The following SNTG1 variants were observed in gnomAD, a reference collection of about 807,000 sequenced individuals.
SNTG1 encodes syntrophin gamma 1, also known as gamma-1-syntrophin.
A neutral mutation model predicts 74.7 loss-of-function variants in SNTG1; 39 were observed. The ratio of observed to expected loss-of-function variants is 0.52; its 90% CI spans 0.40 to 0.68. SNTG1 has a LOEUF of 0.68. Among genes scored for constraint, SNTG1 ranks in the 30% least tolerant of loss-of-function variants. The pLI is 0.00. For synonymous variants in SNTG1, 254 were observed against 217.1 expected (o/e 1.17, Z -1.49); for missense variants, 685 against 609.5 (o/e 1.12, Z -1.30).
intron 1 of SNTG1, among the ~76,000 whole-genome samples, chr8:49,937,464 T>G (rs1477869944): frequency 6.6e-6 from 1 of 152,218 alleles, no homozygotes; most frequent in African/African-American, 2.4e-5. Context: ...CATAAAGCTG[T>G]TACAAAATTA....
chr8:49,952,777 T>A (rs903311393), intron 1 of SNTG1, among the ~76,000 whole-genome samples: 2 of 152,174 alleles, frequency 1.3e-5, no homozygotes, highest in Non-Finnish European at 2.9e-5. Flanking sequence ...CAGAGTTAAA[T>A]ATATAGGACT....
chr8:50,326,673 A>AT (rs147413287), intron 2 of SNTG1, among the ~76,000 whole-genome samples: 2,177 of 143,540 alleles, frequency 0.015, 58 homozygotes, highest in African/African-American at 0.051. Context: ...TTCTCTATTG[A>AT]TTTTTTTTTT....
chr8:50,002,577 G>A lies in SNTG1; in HGVS notation c.-103+90346G>A, dbSNP rs1047931834. ...AAGAAATATAAAACTATATTGGGTGGATTACTTGATTTTTCTGTTTGTTTC... is the reference window on the plus strand; with the variant it reads ...AAGAAATATAAAACTATATTGGGTGAATTACTTGATTTTTCTGTTTGTTTC... On this transcript the variant is annotated intron_variant, in intron 1 of 18. Transcript: ENST00000642720. Among the ~76,000 whole-genome samples the A allele has an allele frequency of 5.9e-5, 9 of 151,576 alleles. No homozygotes were observed. In the East Asian group the frequency reaches 1.5e-3, roughly 26 times the overall value.
intron 8 of SNTG1, among the ~76,000 whole-genome samples, chr8:50,484,686 C>G (rs971115762): frequency 6.6e-6 from 1 of 151,084 alleles, no homozygotes; most frequent in Non-Finnish European, 1.5e-5. Flanking sequence ...AGGAAGAAAC[C>G]CTAGCTCTAC....
At chr8:50,653,024 C>A (rs1344995727) in intron 13 of SNTG1, among the ~76,000 whole-genome samples, 1 of 151,564 alleles carries the variant, frequency 6.6e-6, no homozygotes, top group Non-Finnish European at 1.5e-5. Context: ...TTTTTTTATT[C>A]TTTTCTTTAC....
chr8:50,629,861 G>A (rs546124459), intron 13 of SNTG1, among the ~76,000 whole-genome samples: 5 of 152,214 alleles, frequency 3.3e-5, no homozygotes, highest in Admixed American at 2.0e-4. Flanking sequence ...CTATAGGGAC[G>A]ACCAATTGTC....
chr8:50,701,726 T>TCTC (rs2095425665), intron 15 of SNTG1, among the ~76,000 whole-genome samples: 1 of 112,836 alleles, frequency 8.9e-6, no homozygotes, highest in Non-Finnish European at 1.8e-5. Flanking sequence ...CTCTTTTTCT[T>TCTC]CTTCTTTTTC....
intron 1 of SNTG1, among the ~76,000 whole-genome samples, chr8:49,966,258 T>C (rs546314636): frequency 1.5e-3 from 230 of 152,312 alleles, no homozygotes; most frequent in Non-Finnish European, 2.3e-3. Context: ...TATTTATAGT[T>C]ATTAGTCCAT....
intron 1 of SNTG1, among the ~76,000 whole-genome samples, chr8:50,145,100 G>A (rs1445758503): frequency 6.6e-6 from 1 of 152,114 alleles, no homozygotes; most frequent in African/African-American, 2.4e-5. Flanking sequence ...AGGAATGATG[G>A]CAATGCCAAC....
intron 1 of SNTG1, among the ~76,000 whole-genome samples, chr8:50,068,167 T>C (rs1392524776): frequency 6.6e-6 from 1 of 152,142 alleles, no homozygotes; most frequent in Non-Finnish European, 1.5e-5. Context: ...CATGAGAATA[T>C]TTCCATCTTC....
chr8:50,150,614 A>G lies in SNTG1; in HGVS notation c.-102-21947A>G, dbSNP rs185630971. ...AGTTTTTAGCATGAAGGGTTGTTGA[A>G]TTTTGTCAAAGGCCTTTTCTGCATC... On this transcript the variant is annotated intron_variant, in intron 1 of 18. Transcript: ENST00000642720. Among the ~76,000 whole-genome samples the G allele has an allele frequency of 2.7e-3, 407 of 152,204 alleles. 2 individuals are homozygous for G. The highest frequency in any genetic ancestry group is 5.6e-3 in the Admixed American group (86 of 15,280).
chr8:50,287,953 A>G (rs1307111389), intron 2 of SNTG1, among the ~76,000 whole-genome samples: 1 of 152,140 alleles, frequency 6.6e-6, no homozygotes, highest in East Asian at 1.9e-4. Flanking sequence ...TGCAAACGTC[A>G]TCTCTATGAA....
chr8:49,942,548 A>G (rs924955509), intron 1 of SNTG1, among the ~76,000 whole-genome samples: 1 of 152,044 alleles, frequency 6.6e-6, no homozygotes, highest in Non-Finnish European at 1.5e-5. Context: ...CTGCTTCAAG[A>G]TCCCACCCAG....
chr8:50,246,579 C>T (rs2086410866), intron 2 of SNTG1, among the ~76,000 whole-genome samples: 1 of 151,602 alleles, frequency 6.6e-6, no homozygotes, highest in Admixed American at 6.6e-5. Flanking sequence ...AGGTGGATGC[C>T]TAATGATTTC....
chr8:50,538,995 AT>A (rs1448569252), intron 11 of SNTG1, among the ~76,000 whole-genome samples: 6 of 151,798 alleles, frequency 4.0e-5, no homozygotes, highest in African/African-American at 1.5e-4. Context: ...TTGTCGATTT[AT>A]TTTTTTCAGT....
intron 1 of SNTG1, among the ~76,000 whole-genome samples, chr8:50,075,701 GA>G (rs1246111226): frequency 6.6e-6 from 1 of 152,138 alleles, no homozygotes; most frequent in Non-Finnish European, 1.5e-5. Context: ...CTGCCTTTAT[GA>G]GCTGTAACAC....
chr8:50,196,852 T>C (rs1057510046), intron 2 of SNTG1, among the ~76,000 whole-genome samples: 2 of 150,680 alleles, frequency 1.3e-5, no homozygotes, highest in Admixed American at 1.3e-4. Flanking sequence ...CATAGTGATG[T>C]GCACCTGTAA....
chr8:50,286,749 T>A (rs553491301), intron 2 of SNTG1: 1 of 152,344 alleles, frequency 6.6e-6, no homozygotes, highest in East Asian at 1.9e-4. Context: ...CTGTGTTTTA[T>A]AAATTTTTGT....
At chr8:50,384,115 C>A (rs1235295894) in intron 2 of SNTG1, among the ~76,000 whole-genome samples, 1 of 152,172 alleles carries the variant, frequency 6.6e-6, no homozygotes, top group African/African-American at 2.4e-5. Flanking sequence ...GGAGAGACAG[C>A]ACCATATATT....
Sources: allele counts gnomAD v4.1 joint callset (sites outside exome capture counted in the v4.1 genomes callset), GRCh38; gene constraint gnomAD v4.1.1; transcripts MANE v1.5; gene names NCBI Gene and HGNC (gene_info 2026-07-23, HGNC 2026-07-21).